SLC22A5: variants seen among roughly 807,000 people sequenced by gnomAD.
The protein encoded by SLC22A5 is organic cation/carnitine transporter 2.
Under a neutral mutation model 56.7 loss-of-function variants are expected in SLC22A5, and 44 were observed. The observed-to-expected ratio is 0.78, with a 90% CI of 0.61 to 1.00. The LOEUF is 1.00. SLC22A5 is among the 50% of genes least tolerant of loss of function. The pLI is 0.00. For synonymous variants in SLC22A5, 278 were observed against 292.1 expected (o/e 0.95, Z 0.49); for missense variants, 675 against 723.0 (o/e 0.93, Z 0.76).
chr5:132,380,105 G>C (rs1032615534), intron 2 of SLC22A5: 1 of 152,362 alleles, frequency 6.6e-6, no homozygotes, highest in Non-Finnish European at 1.5e-5. Context: ...GGAGGTCAGG[G>C]GCAGCATCCC....
In SLC22A5 at chr5:132,394,229, A is replaced by T. The variant is rs764068991; in HGVS notation, c.1631A>T (p.Asp544Val). The change falls in exon 10 of 10, where the codon GAT becomes GTT. Residue 544 changes from aspartate to valine, a missense_variant. Asp to Val is a radical substitution (Grantham distance 152). Transcript: ENST00000245407. Reference protein sequence around the residue: ...KTPSHTRMLKDGQERPTILKS... With the variant: ...KTPSHTRMLKVGQERPTILKS... ...CCAAGTCACACAAGGATGTTAAAAG[A>T]TGGTCAAGAAAGGCCCACAATCCTT... is the stretch of plus-strand genomic sequence containing the variant. 6 of 1,613,876 alleles carry T rather than the reference A, an allele frequency of 3.7e-6. No individual in the cohort carries two copies. The African/African-American group carries it at 8.0e-5, about 22-fold the overall frequency.
chr5:132,381,093 C>T (rs1752331351), intron 2 of SLC22A5: 2 of 152,138 alleles, frequency 1.3e-5, no homozygotes, highest in African/African-American at 4.8e-5. Flanking sequence ...AGTAGAAATG[C>T]AGTGTATTTT....
At chr5:132,387,398 T>C (rs537148256) in intron 5 of SLC22A5, among the ~76,000 whole-genome samples, 2 of 151,854 alleles carry the variant, frequency 1.3e-5, no homozygotes, top group African/African-American at 4.8e-5. Flanking sequence ...CATTTTTTAC[T>C]TCCTTTCTAG....
chr5:132,394,602 A>G lies in SLC22A5; in HGVS notation c.*330A>G. The G allele has an allele frequency of 5.7e-6, 2 of 352,784 alleles. No individual in the cohort carries two copies. Among genetic ancestry groups the G allele is most frequent in the Non-Finnish European group, 1.0e-5 (2 of 191,972 alleles). 21.9% of individuals were successfully genotyped at this position (352,784 alleles called of 1,614,324 possible). On this transcript the variant is annotated 3_prime_UTR_variant, in exon 10 of 10. Transcript: ENST00000245407. Reference sequence around the variant, plus strand: ...AATGTGAGAAGCATATGCTAAATGTACATTTTAATTTTAGACTACTTGAAA... The same window carrying G: ...AATGTGAGAAGCATATGCTAAATGTGCATTTTAATTTTAGACTACTTGAAA...
chr5:132,389,039 G>T lies in SLC22A5; in HGVS notation c.1052+18G>T. 8 of 1,521,416 alleles carry T rather than the reference G, an allele frequency of 5.3e-6. No homozygotes were observed. Among genetic ancestry groups the T allele is most frequent in the Non-Finnish European group, 7.3e-6 (8 of 1,095,492 alleles). 94.2% of individuals were successfully genotyped at this position (1,521,416 alleles called of 1,614,324 possible). A position where few individuals can be genotyped will look rare whatever the true frequency, so the allele number is the denominator to read the frequency against. On this transcript the variant is annotated intron_variant, in intron 6 of 9. Transcript: ENST00000245407. ...ATGCTGTGGTATGTAAAAGAGACCT[G>T]CCTGAGGCTTCCAGACAAAGCTTCT... is the stretch of plus-strand genomic sequence containing the variant.
intron 6 of SLC22A5, 93 bp from the exon 7 acceptor site, chr5:132,390,597 G>T: frequency 1.1e-6 from 1 of 910,838 alleles, no homozygotes. Context: ...AAGATGGTTT[G>T]GAATTTACTG....
chr5:132,388,929 C>G lies in SLC22A5; in HGVS notation c.960C>G (p.Asp320Glu). The G allele has an allele frequency of 6.2e-7, 1 of 1,611,460 alleles. No homozygotes were observed. The highest frequency in any genetic ancestry group is 8.5e-7 in the Non-Finnish European group (1 of 1,177,588). Residue 320 changes from aspartate (D) to glutamate (E), a missense_variant, in exon 6 of 10, where the codon GAC (aspartate) becomes GAG (glutamate). Coordinates refer to ENST00000245407, the MANE Select transcript of SLC22A5 (RefSeq NM_003060.4). ...TGATGTTGTTCCTGCAGTTACAAGACCTAAGTTCCAAGAAGCAGCAGTCCC... is the reference window on the plus strand; with the variant it reads ...TGATGTTGTTCCTGCAGTTACAAGAGCTAAGTTCCAAGAAGCAGCAGTCCC... Reference protein sequence around the residue: ...STIFDPSELQDLSSKKQQSHN... With the variant: ...STIFDPSELQELSSKKQQSHN...
At chr5:132,376,456 A>C (rs1447244098) in intron 1 of SLC22A5, 1 of 152,082 alleles carries the variant, frequency 6.6e-6, no homozygotes, top group Non-Finnish European at 1.5e-5. Context: ...CACTATAGTC[A>C]CCCTGTCCCC....
rs1382868774 is a variant in SLC22A5 at position 132,370,225 on chromosome 5, C to A, written c.253C>A (p.Arg85=). The change falls in exon 1 of 10, where the codon CGG becomes AGG. Residue 85 remains arginine, a synonymous_variant. Coordinates refer to ENST00000245407, the MANE Select transcript of SLC22A5 (RefSeq NM_003060.4). ...GGTGCCCCACAGCTGCCGCCGCTAC[C>A]GGCTCGCCACCATCGCCAACTTCTC... ...REVPHSCRRY[R]LATIANFSAL... is the part of the protein sequence containing the mutation. 1.3e-6 allele frequency: 2 copies of A among 1,575,126 alleles called. No individual in the cohort carries two copies. Among genetic ancestry groups the A allele is most frequent in the Admixed American group, 3.8e-5 (2 of 53,232 alleles).
intron 2 of SLC22A5, chr5:132,381,982 T>TA (rs1234764409): frequency 2.0e-5 from 3 of 152,084 alleles, no homozygotes; most frequent in African/African-American, 4.8e-5. Context: ...ACATGCTTGT[T>TA]AAAAAAACCA....
intron 1 of SLC22A5, among the ~76,000 whole-genome samples, chr5:132,374,196 G>T (rs1490759883): frequency 6.6e-6 from 1 of 151,432 alleles, no homozygotes; most frequent in East Asian, 1.9e-4. Flanking sequence ...GCCAGCCTGG[G>T]TGACAAGAGC....
intron 4 of SLC22A5, 132 bp from the exon 5 acceptor site, chr5:132,386,893 G>A: frequency 1.0e-6 from 1 of 966,402 alleles, no homozygotes; most frequent in East Asian, 2.4e-5. Context: ...CTTTGCTTCT[G>A]GCTTGTGATC....
At chr5:132,387,187 C>A (rs755241581) in intron 5 of SLC22A5, 36 bp downstream of exon 5, 1 of 1,613,414 alleles carries the variant, frequency 6.2e-7, no homozygotes, top group South Asian at 1.1e-5. Context: ...GAGGGACAGA[C>A]TGACCGTGAT....
In SLC22A5 at chr5:132,378,360, C is replaced by G. The variant is rs200136788; in HGVS notation, c.394-18C>G. 994 of 1,612,698 alleles carry G rather than the reference C, an allele frequency of 6.2e-4. No homozygotes were observed. The highest frequency in any genetic ancestry group is 7.4e-4 in the Non-Finnish European group (878 of 1,178,688). The stretch of plus-strand genomic sequence containing the variant: ...TTAAAAAGAAGTGAATGATACACCC[C>G]CTTTGCTCATCTTGCAGTGGAACCT... On this transcript the variant is annotated intron_variant, in intron 1 of 9. Coordinates refer to ENST00000245407, the MANE Select transcript of SLC22A5 (RefSeq NM_003060.4).
chr5:132,383,976 G>A, intron 2 of SLC22A5, 171 bp from the exon 3 acceptor site: 2 of 688,574 alleles, frequency 2.9e-6, no homozygotes, highest in Non-Finnish European at 5.2e-6. Context: ...AGTGGGGAGG[G>A]GGAGAAATAG....
intron 2 of SLC22A5, 152 bp from the exon 3 acceptor site, chr5:132,383,995 C>T (rs1252488150): frequency 2.6e-6 from 2 of 765,146 alleles, no homozygotes; most frequent in African/African-American, 3.4e-5. Flanking sequence ...AGCATGGGCA[C>T]TGTGAGACCG....
chr5:132,380,946 G>C (rs941796474), intron 2 of SLC22A5: 1 of 151,980 alleles, frequency 6.6e-6, no homozygotes, highest in African/African-American at 2.4e-5. Context: ...GGGGAGGGGA[G>C]GGGGGAACTG....
chr5:132,370,012 T>A lies in SLC22A5; in HGVS notation c.40T>A (p.Trp14Arg), dbSNP rs756863825. The A allele has an allele frequency of 2.5e-6, 4 of 1,613,020 alleles. No homozygotes were observed. The highest frequency in any genetic ancestry group is 1.7e-6 in the Non-Finnish European group (2 of 1,179,656). ...YDEVTAFLGE[W>R]GPFQRLIFFL... ...CGAGGTGACCGCCTTCCTGGGCGAG[T>A]GGGGGCCCTTCCAGCGCCTCATCTT... The change falls in exon 1 of 10, where the codon TGG (tryptophan) becomes AGG (arginine). Residue 14 changes from tryptophan (W) to arginine (R), a missense_variant. Physicochemically the swap from Trp to Arg is moderately radical, Grantham distance 101. Transcript: ENST00000245407.
intron 3 of SLC22A5, 26 bp downstream of exon 3, chr5:132,384,327 T>G: frequency 6.2e-7 from 1 of 1,607,710 alleles, no homozygotes; most frequent in Non-Finnish European, 8.5e-7. Context: ...TGGAGTTGAG[T>G]ACTTGATCCT....
Sources: gnomAD v4.1 joint callset for allele counts (sites outside exome capture counted in the v4.1 genomes callset) on GRCh38, gnomAD v4.1.1 for gene constraint, MANE v1.5 for transcripts, NCBI Gene and HGNC (gene_info 2026-07-23, HGNC 2026-07-21) for gene names.